The following ANKEF1 variants were observed in gnomAD, a reference collection of about 807,000 sequenced individuals.
The protein encoded by ANKEF1 is ankyrin repeat and EF-hand domain-containing protein 1.
Under a neutral mutation model 65.1 loss-of-function variants are expected in ANKEF1, and 43 were observed. That is an observed-to-expected ratio of 0.66 (90% CI 0.52 to 0.85). ANKEF1 has a LOEUF of 0.85. Among genes scored for constraint, ANKEF1 ranks in the 40% least tolerant of loss-of-function variants. The pLI is 0.00. For missense variants in ANKEF1, 934 were observed against 952.9 expected (o/e 0.98, Z 0.26); for synonymous variants, 316 against 341.5 (o/e 0.93, Z 0.82).
At chr20:10,043,052 A>G (rs1000719833) in intron 3 of ANKEF1, 70 bp from the exon 4 acceptor site, 18 of 1,475,336 alleles carry the variant, frequency 1.2e-5, no homozygotes, top group Non-Finnish European at 1.6e-5. Flanking sequence ...GATTTTTAAT[A>G]ATTTTACTTT....
chr20:10,055,445 A>C (rs1388285713), intron 10 of ANKEF1, 57 bp from the exon 11 acceptor site: 2 of 1,495,464 alleles, frequency 1.3e-6, no homozygotes, highest in African/African-American at 2.8e-5. Context: ...GGATATTAGC[A>C]TATTTACTGG....
chr20:10,041,388 G>A lies in ANKEF1; in HGVS notation c.347-1734G>A, dbSNP rs370755477. Among the ~76,000 whole-genome samples, 6 of 151,512 alleles carry A rather than the reference G, an allele frequency of 4.0e-5. No homozygotes were observed. In the East Asian group the frequency reaches 9.8e-4, roughly 25 times the overall value. ...GTTAGCATCTTAAACAGTATTCATTGATTCTTTACTCTGTTTAGTAAGATT... is the reference window on the plus strand; with the variant it reads ...GTTAGCATCTTAAACAGTATTCATTAATTCTTTACTCTGTTTAGTAAGATT... On this transcript the variant is annotated intron_variant, in intron 3 of 10. Coordinates refer to ENST00000378392, the MANE Select transcript of ANKEF1 (RefSeq NM_022096.6).
chr20:10,051,217 G>A (rs1199613890), intron 7 of ANKEF1, among the ~76,000 whole-genome samples: 1 of 152,258 alleles, frequency 6.6e-6, no homozygotes, highest in Non-Finnish European at 1.5e-5. Flanking sequence ...ACTCAAATTT[G>A]TATATTATCA....
chr20:10,043,569 A>C (rs1413080153), intron 4 of ANKEF1, among the ~76,000 whole-genome samples: 1 of 152,142 alleles, frequency 6.6e-6, no homozygotes, highest in African/African-American at 2.4e-5. Flanking sequence ...AAATAGTAAA[A>C]AAAGGCATTG....
chr20:10,043,035 A>G (rs1319255707), intron 3 of ANKEF1, 87 bp from the exon 4 acceptor site: 7 of 1,352,622 alleles, frequency 5.2e-6, no homozygotes, highest in Non-Finnish European at 7.2e-6. Context: ...TTAACTAGCT[A>G]AATATGGATT....
At chr20:10,036,319 A>G (rs1401400260) in intron 2 of ANKEF1, among the ~76,000 whole-genome samples, 7 of 151,830 alleles carry the variant, frequency 4.6e-5, no homozygotes, top group Admixed American at 4.6e-4. Flanking sequence ...GCATTGATTC[A>G]GTCTAATCAT....
At chr20:10,035,931 A>G (rs1245302196) in intron 2 of ANKEF1, among the ~76,000 whole-genome samples, 1 of 152,226 alleles carries the variant, frequency 6.6e-6, no homozygotes, top group Non-Finnish European at 1.5e-5. Flanking sequence ...CTACCTTGGT[A>G]GATGGTTAGA....
chr20:10,047,953 T>C (rs780656450), intron 6 of ANKEF1, among the ~76,000 whole-genome samples: 13 of 152,138 alleles, frequency 8.5e-5, no homozygotes, highest in Admixed American at 2.6e-4. Context: ...CTTTGGTCCT[T>C]AGTGCTGGGT....
At chr20:10,040,504 A>G (rs1462141260) in intron 3 of ANKEF1, 2 of 152,192 alleles carry the variant, frequency 1.3e-5, no homozygotes, top group Non-Finnish European at 2.9e-5. Context: ...AAGCCAATAC[A>G]TTCTTTCTTG....
chr20:10,037,727 A>G (rs1367317404), intron 2 of ANKEF1, among the ~76,000 whole-genome samples: 1 of 152,206 alleles, frequency 6.6e-6, no homozygotes, highest in Non-Finnish European at 1.5e-5. Context: ...GTTTATGAAG[A>G]TTTGCAGTTT....
chr20:10,055,020 A>G (rs1985066493), intron 10 of ANKEF1, among the ~76,000 whole-genome samples: 1 of 152,182 alleles, frequency 6.6e-6, no homozygotes, highest in South Asian at 2.1e-4. Context: ...AAACCTCCAC[A>G]ACTAAAGAGG....
intron 2 of ANKEF1, 36 bp downstream of exon 2, chr20:10,035,678 T>C (rs556847525): frequency 6.6e-6 from 1 of 152,316 alleles, no homozygotes; most frequent in Admixed American, 6.5e-5. Flanking sequence ...CCAACTAGTT[T>C]GTGTAAATAA....
At chr20:10,046,097 C>T (rs956799931) in intron 6 of ANKEF1, among the ~76,000 whole-genome samples, 2 of 151,908 alleles carry the variant, frequency 1.3e-5, no homozygotes, top group African/African-American at 2.4e-5. Context: ...AAGGCAAAAC[C>T]GCGCCTCTAC....
chr20:10,035,460 C>A (rs550720558), intron 1 of ANKEF1, 119 bp from the exon 2 acceptor site: 1 of 152,322 alleles, frequency 6.6e-6, no homozygotes, highest in South Asian at 2.1e-4. Flanking sequence ...TGTAAACTAT[C>A]GCTTACACTT....
chr20:10,041,889 A>G (rs904791498), intron 3 of ANKEF1, among the ~76,000 whole-genome samples: 1 of 152,200 alleles, frequency 6.6e-6, no homozygotes, highest in African/African-American at 2.4e-5. Context: ...TTAAGACTAT[A>G]CATGTCTGTT....
chr20:10,044,615 T>A, intron 5 of ANKEF1, 72 bp downstream of exon 5: 1 of 1,534,954 alleles, frequency 6.5e-7, no homozygotes. Context: ...TTTTTTTATA[T>A]GTCATATAGA....
chr20:10,045,514 G>A, intron 5 of ANKEF1, 60 bp from the exon 6 acceptor site: 3 of 1,568,750 alleles, frequency 1.9e-6, no homozygotes, highest in Non-Finnish European at 2.6e-6. Context: ...CTAGCTGTCA[G>A]TCTTTATATA....
Position 10,037,340 on chromosome 20 carries a change from C to T in ANKEF1, c.-44-918C>T, listed in dbSNP as rs139675130. ...CTGTGGCACCCAAGAGAGCTACCTG[C>T]GCCCCAGCCCCACACCATACTGCTT... On this transcript the variant is annotated intron_variant, in intron 2 of 10. Transcript: ENST00000378392. 9.2e-5 allele frequency among the ~76,000 whole-genome samples: 14 copies of T among 152,250 alleles called. No individual in the cohort carries two copies. The East Asian group carries it at 1.2e-3, about 13-fold the overall frequency.
At chr20:10,040,367 A>G (rs564895939) in intron 3 of ANKEF1, among the ~76,000 whole-genome samples, 2 of 152,216 alleles carry the variant, frequency 1.3e-5, no homozygotes, top group Non-Finnish European at 2.9e-5. Flanking sequence ...CTCACTGTAC[A>G]TCGTTCCTAA....
Sources: gnomAD v4.1 joint callset for allele counts (sites outside exome capture counted in the v4.1 genomes callset) on GRCh38, gnomAD v4.1.1 for gene constraint, MANE v1.5 for transcripts, NCBI Gene and HGNC (gene_info 2026-07-23, HGNC 2026-07-21) for gene names.